The following MAST1 variants were observed in gnomAD, a reference collection of about 807,000 sequenced individuals.
MAST1 encodes the protein microtubule-associated serine/threonine-protein kinase 1.
MAST1 carries 40 observed loss-of-function variants against 124.6 expected under a neutral mutation model. That is an observed-to-expected ratio of 0.32 (90% CI 0.25 to 0.42). MAST1 has a LOEUF of 0.42. Among genes scored for constraint, MAST1 ranks in the 10% least tolerant of loss-of-function variants. MAST1 has a pLI of 1.00. For missense variants in MAST1, 1,558 were observed against 2,181.9 expected (o/e 0.71, Z 5.70); for synonymous variants, 938 against 939.4 (o/e 1.00, Z 0.03).
At position 12,866,661 on chromosome 19, in the gene MAST1, G is replaced by A. The variant is rs1306345447; in HGVS notation, c.2038G>A (p.Asp680Asn). Residue 680 changes from aspartate (D) to asparagine (N), a missense_variant, in exon 18 of 26, where the codon GAC becomes AAC. By Grantham distance (23) the Asp-to-Asn change is conservative. Transcript: ENST00000251472. This position sits in a 1 kb window ranked among gnomAD's most constrained non-coding sequence, Gnocchi z 5.2. ...CCATACCCGCTCCCCAGCCCGCTCA[G>A]ACAGGTATCACCACGTGAACTCCTA... ...DDTSYFDTRS[D>N]RYHHVNSYDE... 1 of 1,613,284 alleles carries A rather than the reference G, an allele frequency of 6.2e-7. No homozygotes were observed. Among genetic ancestry groups the A allele is most frequent in the Non-Finnish European group, 8.5e-7 (1 of 1,179,624 alleles).
At chr19:12,852,059 G>C (rs759202058) in intron 8 of MAST1, 24 bp downstream of exon 8, 13 of 1,613,790 alleles carry the variant, frequency 8.1e-6, no homozygotes, top group Admixed American at 1.7e-5. Context: ...GCATGGGTAG[G>C]GGTGGGTTGG....
intron 7 of MAST1, among the ~76,000 whole-genome samples, chr19:12,849,378 T>C (rs1423329123): frequency 6.6e-6 from 1 of 152,062 alleles, no homozygotes; most frequent in East Asian, 1.9e-4. Flanking sequence ...ATTTAAAAAA[T>C]TTAAGCCAGG....
At chr19:12,868,935 C>G in intron 21 of MAST1, 86 bp downstream of exon 21, 1 of 1,541,184 alleles carries the variant, frequency 6.5e-7, no homozygotes, top group Non-Finnish European at 8.8e-7. Context: ...TTTTCCCTGT[C>G]CACCGTGATT....
chr19:12,840,563 T>C (rs1361995048), intron 2 of MAST1, 29 bp downstream of exon 2: 1 of 1,537,610 alleles, frequency 6.5e-7, no homozygotes, highest in Non-Finnish European at 9.0e-7. Context: ...ACTTGGTGGG[T>C]GCAGACTGGC....
At position 12,838,865 on chromosome 19, in the gene MAST1, G is replaced by A. The variant is rs577661276; in HGVS notation, c.83+210G>A. Among the ~76,000 whole-genome samples the A allele has an allele frequency of 8.8e-3, 1,335 of 152,068 alleles. 22 individuals carry two copies. The highest frequency in any genetic ancestry group is 0.029 in the African/African-American group (1,219 of 41,508). Reference sequence around the variant, plus strand: ...TGCACGCTGGAGAGGACGGCCGCGGGGGGAGGGGGCTGCGCCACTGGGGGT... The same window carrying A: ...TGCACGCTGGAGAGGACGGCCGCGGAGGGAGGGGGCTGCGCCACTGGGGGT... On this transcript the variant is annotated intron_variant, in intron 1 of 25. Transcript: ENST00000251472. This position sits in a 1 kb window ranked among gnomAD's most constrained non-coding sequence, Gnocchi z 4.3.
intron 24 of MAST1, 111 bp from the exon 25 acceptor site, chr19:12,873,213 A>AG (rs1277353287): frequency 9.9e-7 from 1 of 1,010,492 alleles, no homozygotes; most frequent in African/African-American, 1.6e-5. Flanking sequence ...GTAGCTGGAG[A>AG]GGGAAGGGCC....
intron 4 of MAST1, among the ~76,000 whole-genome samples, chr19:12,846,594 A>G (rs1969896892): frequency 6.6e-6 from 1 of 151,766 alleles, no homozygotes; most frequent in Non-Finnish European, 1.5e-5. Flanking sequence ...GGAGGCCACT[A>G]GGCTGGGTGC....
chr19:12,858,440 G>A lies in MAST1; in HGVS notation c.1156G>A (p.Gly386Ser). The A allele has an allele frequency of 6.2e-7, 1 of 1,613,722 alleles. No individual in the cohort carries two copies. Among genetic ancestry groups the A allele is most frequent in the Non-Finnish European group, 8.5e-7 (1 of 1,179,748 alleles). ...TIKLISNGAYGAVYLVRHRDT... is the reference protein window; with the variant it reads ...TIKLISNGAYSAVYLVRHRDT... Reference sequence around the variant, plus strand: ...CAAGCTCATAAGCAACGGTGCCTACGGGTGAGCCACCCGGGGCTCTGGCGG... The same window carrying A: ...CAAGCTCATAAGCAACGGTGCCTACAGGTGAGCCACCCGGGGCTCTGGCGG... The change falls in exon 11 of 26, where the codon GGC (glycine) becomes AGC (serine). Residue 386 changes from glycine (G) to serine (S), a missense_variant and splice_region_variant. Physicochemically the swap from Gly to Ser is moderately conservative, Grantham distance 56 (BLOSUM62 0). Transcript: ENST00000251472.
intron 12 of MAST1, among the ~76,000 whole-genome samples, chr19:12,863,924 C>CTTTTT (rs3064382): frequency 1.5e-5 from 2 of 132,012 alleles, no homozygotes; most frequent in African/African-American, 2.8e-5. Flanking sequence ...CTACAAAAAA[C>CTTTTT]TTTTTTTTTT....
chr19:12,847,468 C>T lies in MAST1; in HGVS notation c.488+18C>T, dbSNP rs559005295. The T allele has an allele frequency of 2.9e-3, 4,695 of 1,613,144 alleles. 143 individuals are homozygous for T. In the South Asian group the frequency reaches 0.049, roughly 17 times the overall value. ...AGCCTCAGGTGGGCAGGCATCCCTC[C>T]TCCTTCGTACCAAGCTAGTGGTCTT... On this transcript the variant is annotated intron_variant, in intron 5 of 25. Transcript: ENST00000251472. This position sits in a 1 kb window ranked among gnomAD's most constrained non-coding sequence, Gnocchi z 5.5.
Position 12,866,611 on chromosome 19 carries a change from G to A in MAST1, c.2030-42G>A. On this transcript the variant is annotated intron_variant, in intron 17 of 25. Coordinates refer to ENST00000251472, the MANE Select transcript of MAST1 (RefSeq NM_014975.3). The surrounding 1 kb of genome is among the most constrained non-coding windows in gnomAD (Gnocchi z 5.2). ...CTCCTGTGGGGATGTGATATGAGGA[G>A]GAACCCCGTACCCTCAGTCACAGCC... The A allele has an allele frequency of 7.3e-7, 1 of 1,366,216 alleles. No homozygotes were observed. Among genetic ancestry groups the A allele is most frequent in the Non-Finnish European group, 1.0e-6 (1 of 964,982 alleles). 84.6% of individuals were successfully genotyped at this position (1,366,216 alleles called of 1,614,324 possible).
At position 12,874,065 on chromosome 19, in the gene MAST1, C is replaced by T. The variant is rs763105254; in HGVS notation, c.3908C>T (p.Ala1303Val). ...DFRKDFHGELALHSLAESDGE... is the reference protein window; with the variant it reads ...DFRKDFHGELVLHSLAESDGE... ...CGCAAGGACTTCCATGGCGAGCTGGCGCTGCATAGCCTTGCCGAGTCCGAC... is the reference window on the plus strand; with the variant it reads ...CGCAAGGACTTCCATGGCGAGCTGGTGCTGCATAGCCTTGCCGAGTCCGAC... The change falls in exon 26 of 26, where the codon GCG becomes GTG. Residue 1303 changes from alanine (A) to valine (V), a missense_variant. By Grantham distance (64) the Ala-to-Val change is moderately conservative (BLOSUM62 0). Around this residue, in one of 10 missense-constraint regions of MAST1, gnomAD observed 263 missense variants for 310.9 expected, o/e 0.85. Coordinates refer to ENST00000251472, the MANE Select transcript of MAST1 (RefSeq NM_014975.3). This position sits in a 1 kb window ranked among gnomAD's most constrained non-coding sequence, Gnocchi z 6.6. 18 of 1,594,174 alleles carry T rather than the reference C, an allele frequency of 1.1e-5. No individual in the cohort carries two copies. The highest frequency in any genetic ancestry group is 1.4e-5 in the Non-Finnish European group (17 of 1,173,724).
Position 12,861,417 on chromosome 19 carries a change from G to A in MAST1, c.1366+2678G>A, listed in dbSNP as rs139007727. 9.7e-4 allele frequency among the ~76,000 whole-genome samples: 147 copies of A among 152,302 alleles called. 4 individuals carry two copies. The East Asian group carries it at 0.023, about 23-fold the overall frequency. On this transcript the variant is annotated intron_variant, in intron 12 of 25. Coordinates refer to ENST00000251472, the MANE Select transcript of MAST1 (RefSeq NM_014975.3). ...CCATGAGGCTGGAGGAGGTGATGGG[G>A]AGGCAGGCAGGGAGCTTCTCAGAGG...
intron 10 of MAST1, among the ~76,000 whole-genome samples, chr19:12,855,447 C>T (rs11667341): frequency 0.017 from 2,589 of 151,848 alleles, 23 homozygotes; most frequent in Non-Finnish European, 0.026. Flanking sequence ...CATAGCAAGA[C>T]CCTGTCTCTA....
chr19:12,866,849 C>A lies in MAST1; in HGVS notation c.2139+87C>A, dbSNP rs1228939582. On this transcript the variant is annotated intron_variant, in intron 18 of 25. Coordinates refer to ENST00000251472, the MANE Select transcript of MAST1 (RefSeq NM_014975.3). The surrounding 1 kb of genome is among the most constrained non-coding windows in gnomAD (Gnocchi z 5.2). ...AGTGAGAAACAGGTTCCCTGGTGCC[C>A]AAGGTCTCAGGAGCGGGAAGTTATT... 31 of 1,148,392 alleles carry A rather than the reference C, an allele frequency of 2.7e-5. No individual in the cohort carries two copies. The highest frequency in any genetic ancestry group is 3.3e-5 in the Non-Finnish European group (26 of 785,216). The allele number at this position is 1,148,392 out of a possible 1,614,324, so 71.1% of individuals were successfully genotyped here. A position where few individuals can be genotyped will look rare whatever the true frequency, so the allele number is the denominator to read the frequency against.
rs1299987043 is a variant in MAST1 at position 12,838,714 on chromosome 19, G to C, written c.83+59G>C. The C allele has an allele frequency of 2.0e-5, 31 of 1,526,804 alleles. No homozygotes were observed. The highest frequency in any genetic ancestry group is 2.7e-5 in the Non-Finnish European group (30 of 1,111,578). The allele number at this position is 1,526,804 out of a possible 1,614,324, so 94.6% of individuals were successfully genotyped here. On this transcript the variant is annotated intron_variant, in intron 1 of 25. Transcript: ENST00000251472. This position sits in a 1 kb window ranked among gnomAD's most constrained non-coding sequence, Gnocchi z 4.3. ...CCTCCCCGCAAAAGCCGCCGCTCCG[G>C]GTACTGCTGCAGGGCGGGGCCCGGG... is the stretch of plus-strand genomic sequence containing the variant.
In MAST1 at chr19:12,868,649, G is replaced by A. The variant is rs767041987; in HGVS notation, c.2573G>A (p.Arg858His). 5.0e-6 allele frequency: 8 copies of A among 1,589,278 alleles called. No individual in the cohort carries two copies. The highest frequency in any genetic ancestry group is 2.3e-5 in the South Asian group (2 of 88,410). ...CACTTGCTTTCTGTTGCAGCTGACCGTCCACGCCCAGGTGACCTCTGCCCA... is the reference window on the plus strand; with the variant it reads ...CACTTGCTTTCTGTTGCAGCTGACCATCCACGCCCAGGTGACCTCTGCCCA... ...SSAGDSEATD[R>H]PRPGDLCPPS... Residue 858 changes from arginine to histidine, a missense_variant, in exon 21 of 26, where the codon CGT becomes CAT. By Grantham distance (29) the Arg-to-His change is conservative (BLOSUM62 0). Transcript: ENST00000251472.
At chr19:12,849,717 C>A (rs1969938947) in intron 7 of MAST1, among the ~76,000 whole-genome samples, 1 of 152,096 alleles carries the variant, frequency 6.6e-6, no homozygotes. Context: ...TGGCACACAC[C>A]TGCTGTCCCA....
chr19:12,862,087 C>A (rs1310625343), intron 12 of MAST1, among the ~76,000 whole-genome samples: 1 of 151,330 alleles, frequency 6.6e-6, no homozygotes, highest in Admixed American at 6.6e-5. Context: ...TTACTGCAGC[C>A]TCCGTCTCCA....
Sources: allele counts gnomAD v4.1 joint callset (sites outside exome capture counted in the v4.1 genomes callset), GRCh38; gene constraint gnomAD v4.1.1; regional missense constraint gnomAD v4.1.1; non-coding constraint Gnocchi (gnomAD v3.1); transcripts MANE v1.5; gene names NCBI Gene and HGNC (gene_info 2026-07-23, HGNC 2026-07-21).